Variants in EXOC6B observed in about 807,000 individuals in gnomAD.
EXOC6B encodes the protein exocyst complex component 6B.
In EXOC6B, 54 loss-of-function variants were observed where a neutral mutation model predicts 113.5. That is an observed-to-expected ratio of 0.48 (90% CI 0.38 to 0.60). The LOEUF is 0.60. Among genes scored for constraint, EXOC6B ranks in the 20% least tolerant of loss-of-function variants. The pLI is 0.00. For synonymous variants in EXOC6B, 357 were observed against 339.0 expected (o/e 1.05, Z -0.58); for missense variants, 797 against 977.5 (o/e 0.82, Z 2.46).
intron 18 of EXOC6B, among the ~76,000 whole-genome samples, chr2:72,435,263 C>T (rs890721594): frequency 9.2e-5 from 14 of 152,116 alleles, no homozygotes; most frequent in African/African-American, 2.4e-4. Context: ...GTGCTATGGT[C>T]GGAGAGACTG....
chr2:72,357,881 T>C (rs1191945702), intron 19 of EXOC6B, among the ~76,000 whole-genome samples: 8 of 152,170 alleles, frequency 5.3e-5, no homozygotes, highest in African/African-American at 1.9e-4. Flanking sequence ...CCTGGGTATG[T>C]AGCAGGCTAT....
chr2:72,300,185 C>G (rs933755913), intron 20 of EXOC6B, among the ~76,000 whole-genome samples: 1 of 152,174 alleles, frequency 6.6e-6, no homozygotes, highest in African/African-American at 2.4e-5. Context: ...AAGTCTCTGA[C>G]TGGGGCTGCT....
At chr2:72,775,820 C>A (rs770690077) in intron 1 of EXOC6B, among the ~76,000 whole-genome samples, 1 of 151,966 alleles carries the variant, frequency 6.6e-6, no homozygotes. Flanking sequence ...TGAAACAATT[C>A]GATATATTGA....
At chr2:72,311,041 T>C (rs945907769) in intron 20 of EXOC6B, among the ~76,000 whole-genome samples, 1 of 152,214 alleles carries the variant, frequency 6.6e-6, no homozygotes, top group Non-Finnish European at 1.5e-5. Flanking sequence ...TTTTCCTCTC[T>C]TCTATACTGC....
intron 1 of EXOC6B, among the ~76,000 whole-genome samples, chr2:72,793,964 C>A (rs1179992772): frequency 6.6e-6 from 1 of 152,202 alleles, no homozygotes; most frequent in Non-Finnish European, 1.5e-5. Context: ...CCACCGAAGC[C>A]ATGGTATGCC....
chr2:72,443,453 AG>A (rs1696356359), intron 18 of EXOC6B, among the ~76,000 whole-genome samples: 1 of 152,194 alleles, frequency 6.6e-6, no homozygotes, highest in Non-Finnish European at 1.5e-5. Context: ...CAATGGGGAA[AG>A]GGCTTCCTAT....
At chr2:72,472,121 T>C (rs1698448996) in intron 17 of EXOC6B, among the ~76,000 whole-genome samples, 1 of 152,244 alleles carries the variant, frequency 6.6e-6, no homozygotes, top group Admixed American at 6.5e-5. Context: ...TTTTCTAGTA[T>C]GTTGCTGATA....
At chr2:72,817,685 C>A (rs1686331240) in intron 1 of EXOC6B, among the ~76,000 whole-genome samples, 1 of 152,218 alleles carries the variant, frequency 6.6e-6, no homozygotes, top group African/African-American at 2.4e-5. Context: ...TTATTGTTCC[C>A]TATCCCAATA....
intron 20 of EXOC6B, among the ~76,000 whole-genome samples, chr2:72,230,225 C>T (rs1681531936): frequency 6.6e-6 from 1 of 152,134 alleles, no homozygotes; most frequent in Non-Finnish European, 1.5e-5. Flanking sequence ...CTATGGAACT[C>T]CTTCACTGCG....
chr2:72,305,396 G>A (rs1686794030), intron 20 of EXOC6B, among the ~76,000 whole-genome samples: 2 of 151,780 alleles, frequency 1.3e-5, no homozygotes, highest in African/African-American at 4.8e-5. Flanking sequence ...ATGAGATTTT[G>A]GTCCTCACCA....
At chr2:72,378,631 T>A (rs1691498505) in intron 19 of EXOC6B, among the ~76,000 whole-genome samples, 1 of 152,192 alleles carries the variant, frequency 6.6e-6, no homozygotes, top group Non-Finnish European at 1.5e-5. Flanking sequence ...CCTTTTTAAA[T>A]TAAAAATAGC....
intron 8 of EXOC6B, among the ~76,000 whole-genome samples, chr2:72,553,068 C>T (rs1703331399): frequency 6.6e-6 from 1 of 151,834 alleles, no homozygotes; most frequent in African/African-American, 2.4e-5. Context: ...TATCTACAGA[C>T]AATATGATTG....
intron 20 of EXOC6B, among the ~76,000 whole-genome samples, chr2:72,211,683 C>T (rs1176343445): frequency 6.6e-6 from 1 of 152,164 alleles, no homozygotes; most frequent in Non-Finnish European, 1.5e-5. Flanking sequence ...TAACATACAT[C>T]TCCCTAATTC....
intron 17 of EXOC6B, among the ~76,000 whole-genome samples, chr2:72,474,009 G>A (rs1698570596): frequency 6.6e-6 from 1 of 151,230 alleles, no homozygotes; most frequent in Admixed American, 6.6e-5. Context: ...CTTCATTTAT[G>A]AAGAATAATT....
intron 6 of EXOC6B, among the ~76,000 whole-genome samples, chr2:72,690,235 T>C (rs1677386841): frequency 6.6e-6 from 1 of 152,230 alleles, no homozygotes; most frequent in South Asian, 2.1e-4. Flanking sequence ...AGTGTTATAA[T>C]TAACAAATAT....
chr2:72,784,996 A>AC (rs1248709019), intron 1 of EXOC6B, among the ~76,000 whole-genome samples: 1 of 152,230 alleles, frequency 6.6e-6, no homozygotes, highest in East Asian at 1.9e-4. Flanking sequence ...CAATGGGGAT[A>AC]CAGGTATTGG....
intron 20 of EXOC6B, among the ~76,000 whole-genome samples, chr2:72,252,375 G>T (rs578220815): frequency 6.6e-6 from 1 of 152,044 alleles, no homozygotes; most frequent in East Asian, 1.9e-4. Flanking sequence ...ACTGTTCCAC[G>T]AAGTTTTTCT....
intron 19 of EXOC6B, among the ~76,000 whole-genome samples, chr2:72,372,597 G>A (rs1414984823): frequency 6.6e-6 from 1 of 152,132 alleles, no homozygotes; most frequent in Non-Finnish European, 1.5e-5. Flanking sequence ...TGTAATCCCA[G>A]CACTTTGGGA....
chr2:72,629,917 T>C (rs547808279), intron 6 of EXOC6B, among the ~76,000 whole-genome samples: 2 of 152,326 alleles, frequency 1.3e-5, no homozygotes, highest in Admixed American at 6.5e-5. Flanking sequence ...CCACTTTTTA[T>C]AGGAAACCTT....
Sources: allele counts gnomAD v4.1 joint callset (sites outside exome capture counted in the v4.1 genomes callset), GRCh38; gene constraint gnomAD v4.1.1; transcripts MANE v1.5; gene names NCBI Gene and HGNC (gene_info 2026-07-23, HGNC 2026-07-21).